Variants in WDPCP observed in about 807,000 individuals in gnomAD.
The protein encoded by WDPCP is WD repeat containing planar cell polarity effector, also known as WD repeat-containing and planar cell polarity effector protein fritz homolog.
A neutral mutation model predicts 93.1 loss-of-function variants in WDPCP; 71 were observed. That is an observed-to-expected ratio of 0.76 (90% CI 0.63 to 0.93). The LOEUF is 0.93. WDPCP is among the 40% of genes least tolerant of loss of function. The pLI is 0.00. For missense variants in WDPCP, 844 were observed against 887.4 expected, an observed-to-expected ratio of 0.95 and a Z score of 0.62; for synonymous variants, 315 against 315.0, an observed-to-expected ratio of 1.00 and a Z score of 0.00.
At chr2:63,363,178 C>T (rs1690618732) in intron 12 of WDPCP, among the ~76,000 whole-genome samples, 1 of 152,110 alleles carries the variant, frequency 6.6e-6, no homozygotes, top group Admixed American at 6.6e-5. Flanking sequence ...ATCACTTCCA[C>T]TTTGCAATAC....
At chr2:63,676,827 C>T (rs1200093956) in intron 2 of WDPCP, among the ~76,000 whole-genome samples, 1 of 151,862 alleles carries the variant, frequency 6.6e-6, no homozygotes, top group Non-Finnish European at 1.5e-5. Context: ...GTACACAAGT[C>T]CATGTATAAC....
intron 1 of WDPCP, among the ~76,000 whole-genome samples, chr2:63,570,339 T>G (rs1707385858): frequency 6.6e-6 from 1 of 152,234 alleles, no homozygotes; most frequent in Non-Finnish European, 1.5e-5. Context: ...AGAATTTTTA[T>G]GAACTTGATG....
At position 63,366,552 on chromosome 2, in the gene WDPCP, A is replaced by C. The variant is rs1690925977; in HGVS notation, c.1748+11834T>G. Reference sequence around the variant, plus strand: ...TATCTATCTTCCAGACTTTCGCTTAAATTCTTGTTACATGGATTATCATAT... The same window carrying C: ...TATCTATCTTCCAGACTTTCGCTTACATTCTTGTTACATGGATTATCATAT... On this transcript the variant is annotated intron_variant, in intron 12 of 17. Coordinates refer to ENST00000272321, the MANE Select transcript of WDPCP (RefSeq NM_015910.7). Among the ~76,000 whole-genome samples, 3 of 152,034 alleles carry C rather than the reference A, an allele frequency of 2.0e-5. No individual in the cohort carries two copies. The South Asian group carries it at 6.2e-4, about 31-fold the overall frequency.
intron 14 of WDPCP, among the ~76,000 whole-genome samples, chr2:63,178,227 T>C (rs141921380): frequency 6.6e-6 from 1 of 152,292 alleles, no homozygotes; most frequent in Non-Finnish European, 1.5e-5. Context: ...TGGCCTTATA[T>C]AATGAATTTG....
At chr2:63,386,813 T>C (rs971464988) in intron 10 of WDPCP, among the ~76,000 whole-genome samples, 1 of 151,840 alleles carries the variant, frequency 6.6e-6, no homozygotes, top group Non-Finnish European at 1.5e-5. Context: ...ATTAAAAAAC[T>C]GTGGCACAGA....
rs1351341107 is a variant in WDPCP at position 63,751,214 on chromosome 2, TTTTA to T, written n.308+62404_308+62407del. Among the ~76,000 whole-genome samples the T allele has an allele frequency of 2.0e-5, 3 of 152,316 alleles. No individual in the cohort carries two copies. In the East Asian group the frequency reaches 5.8e-4, roughly 29 times the overall value. On this transcript the variant is annotated intron_variant and non_coding_transcript_variant, in intron 2 of 4. Transcript: ENST00000467687. Reference sequence around the variant, plus strand: ...TTGCATTTTTCAAAGAACTTATCCATTTTATTTAAGTTGTCATATTTTTAGTATA... The same window carrying T: ...TTGCATTTTTCAAAGAACTTATCCATTTTAAGTTGTCATATTTTTAGTATA...
At chr2:63,757,413 T>A (rs1669986464) in intron 2 of WDPCP, among the ~76,000 whole-genome samples, 2 of 151,990 alleles carry the variant, frequency 1.3e-5, no homozygotes, top group Admixed American at 1.3e-4. Flanking sequence ...AGGCAGAAAA[T>A]CTGTCTTTTT....
At chr2:63,155,832 T>A (rs924304660) in intron 15 of WDPCP, among the ~76,000 whole-genome samples, 1 of 152,232 alleles carries the variant, frequency 6.6e-6, no homozygotes, top group Non-Finnish European at 1.5e-5. Context: ...AGCTTCTTTG[T>A]CTCTTTGTAT....
At chr2:63,689,189 G>A (rs1668855530) in intron 2 of WDPCP, among the ~76,000 whole-genome samples, 2 of 152,042 alleles carry the variant, frequency 1.3e-5, no homozygotes, top group Non-Finnish European at 2.9e-5. Flanking sequence ...TCTGTTTTGG[G>A]ATGGGGAGGG....
At chr2:63,577,632 A>T (rs1327545272) in intron 1 of WDPCP, among the ~76,000 whole-genome samples, 1 of 152,222 alleles carries the variant, frequency 6.6e-6, no homozygotes, top group Non-Finnish European at 1.5e-5. Flanking sequence ...ATCTGAAAAT[A>T]ATCAAATAAT....
chr2:63,159,541 T>A (rs533837056), intron 15 of WDPCP, among the ~76,000 whole-genome samples: 3 of 152,366 alleles, frequency 2.0e-5, no homozygotes, highest in African/African-American at 7.2e-5. Context: ...ATTTTTGGTA[T>A]CCTGGACATT....
In WDPCP at chr2:63,146,877, G is replaced by A. The variant is rs184775729; in HGVS notation, c.2190+6037C>T. Among the ~76,000 whole-genome samples, 23 of 152,230 alleles carry A rather than the reference G, an allele frequency of 1.5e-4. No homozygotes were observed. In the East Asian group the frequency reaches 4.2e-3, roughly 28 times the overall value. ...CAATTATTGTAAGACATTAATGGTC[G>A]AATCCAAATAGTGGGCATACGGATG... On this transcript the variant is annotated intron_variant, in intron 17 of 17. Transcript: ENST00000272321.
intron 15 of WDPCP, among the ~76,000 whole-genome samples, chr2:63,159,332 C>T (rs1349130966): frequency 6.6e-6 from 1 of 151,898 alleles, no homozygotes; most frequent in African/African-American, 2.4e-5. Flanking sequence ...CTCAAGTGAT[C>T]TTCCTGCCTC....
chr2:63,723,029 G>A lies in WDPCP; in HGVS notation n.309-72191C>T, dbSNP rs374639676. ...GAAACATGTGCTGTGTCCACTCAGC[G>A]TTGAACGGATTAAGGGCGGTGCAAG... is the stretch of plus-strand genomic sequence containing the variant. On this transcript the variant is annotated intron_variant and non_coding_transcript_variant, in intron 2 of 4. Coordinates refer to the WDPCP transcript ENST00000467687. Among the ~76,000 whole-genome samples, 13 of 152,196 alleles carry A rather than the reference G, an allele frequency of 8.5e-5. No individual in the cohort carries two copies. The East Asian group carries it at 1.2e-3, about 14-fold the overall frequency.
intron 13 of WDPCP, among the ~76,000 whole-genome samples, chr2:63,288,068 A>G (rs1684141742): frequency 6.6e-6 from 1 of 152,202 alleles, no homozygotes; most frequent in Admixed American, 6.5e-5. Context: ...AATCATGCCA[A>G]TGAAAGACAA....
At chr2:63,718,705 GTTTAC>G (rs745929470) in intron 2 of WDPCP, among the ~76,000 whole-genome samples, 3 of 151,956 alleles carry the variant, frequency 2.0e-5, no homozygotes, top group Non-Finnish European at 4.4e-5. Flanking sequence ...TAGGTTGTCT[GTTTAC>G]TTTATGGATC....
intron 15 of WDPCP, among the ~76,000 whole-genome samples, chr2:63,158,290 C>CT (rs1270533278): frequency 1.3e-5 from 2 of 152,146 alleles, no homozygotes; most frequent in Non-Finnish European, 2.9e-5. Flanking sequence ...TTTTCTGTCA[C>CT]TAGTTCTATC....
chr2:63,571,804 T>C (rs754381180), intron 1 of WDPCP, among the ~76,000 whole-genome samples: 1 of 152,224 alleles, frequency 6.6e-6, no homozygotes, highest in Admixed American at 6.5e-5. Context: ...ATACCATAAA[T>C]TAATTCATGT....
At chr2:63,449,295 T>C (rs998617638) in intron 6 of WDPCP, among the ~76,000 whole-genome samples, 1 of 152,144 alleles carries the variant, frequency 6.6e-6, no homozygotes, top group Admixed American at 6.5e-5. Context: ...ACACAATAAA[T>C]GTCCAGCTGG....
Sources: allele counts gnomAD v4.1 joint callset (sites outside exome capture counted in the v4.1 genomes callset), GRCh38; gene constraint gnomAD v4.1.1; transcripts MANE v1.5; gene names NCBI Gene and HGNC (gene_info 2026-07-23, HGNC 2026-07-21).